The following UBE4B variants were observed in gnomAD, a reference collection of about 807,000 sequenced individuals.
UBE4B encodes the protein ubiquitin conjugation factor E4 B.
UBE4B carries 27 observed loss-of-function variants against 148.1 expected under a neutral mutation model. The ratio of observed to expected loss-of-function variants is 0.18; its 90% CI spans 0.13 to 0.25. UBE4B has a LOEUF of 0.25. Among genes scored for constraint, UBE4B ranks in the 10% least tolerant of loss-of-function variants. The pLI is 1.00. For missense variants in UBE4B, 1,170 were observed against 1,662.4 expected (o/e 0.70, Z 5.15); for synonymous variants, 596 against 619.3 (o/e 0.96, Z 0.56).
intron 3 of UBE4B, among the ~76,000 whole-genome samples, chr1:10,097,128 A>C (rs1644942489): frequency 6.6e-6 from 1 of 152,002 alleles, no homozygotes; most frequent in Admixed American, 6.6e-5. Context: ...TTGCTGTAAG[A>C]GTTAAATAGG....
At chr1:10,102,854 A>G in intron 4 of UBE4B, 94 bp from the exon 5 acceptor site, 4 of 1,314,396 alleles carry the variant, frequency 3.0e-6, no homozygotes, top group South Asian at 1.5e-5. Context: ...TATCATCACT[A>G]ATAATGAATT....
intron 10 of UBE4B, among the ~76,000 whole-genome samples, chr1:10,125,984 A>G (rs950974727): frequency 3.3e-5 from 5 of 152,190 alleles, no homozygotes; most frequent in African/African-American, 1.2e-4. Flanking sequence ...TCCTCAAAAT[A>G]AATGGGGAAA....
intron 24 of UBE4B, among the ~76,000 whole-genome samples, chr1:10,169,251 C>G (rs998701540): frequency 4.6e-5 from 7 of 152,174 alleles, no homozygotes; most frequent in Non-Finnish European, 1.0e-4. Context: ...ACCTAAGATT[C>G]GGTAGCCATT....
intron 21 of UBE4B, among the ~76,000 whole-genome samples, chr1:10,153,490 TAAAAAAAAAAAAAAA>T (rs1045427991): frequency 8.1e-5 from 4 of 49,200 alleles, no homozygotes; most frequent in African/African-American, 3.5e-4. Context: ...ACCCTGTTTC[TAAAAAAAAAAAAAAA>T]AAAAAAAAAA....
chr1:10,174,146 A>G (rs1362584227), intron 25 of UBE4B, among the ~76,000 whole-genome samples: 6 of 152,334 alleles, frequency 3.9e-5, no homozygotes, highest in Admixed American at 3.9e-4. Flanking sequence ...CTGTAATCCC[A>G]GCACTTTGGG....
intron 2 of UBE4B, among the ~76,000 whole-genome samples, chr1:10,081,415 A>G (rs1430833748): frequency 4.6e-5 from 7 of 151,720 alleles, no homozygotes; most frequent in African/African-American, 1.7e-4. Flanking sequence ...TCCATATCCT[A>G]TTATAATTGG....
intron 15 of UBE4B, among the ~76,000 whole-genome samples, chr1:10,133,263 A>G (rs1033394021): frequency 6.6e-6 from 1 of 152,192 alleles, no homozygotes; most frequent in African/African-American, 2.4e-5. Flanking sequence ...TCATGTAGAG[A>G]GAAGAGCACA....
At chr1:10,092,271 C>T (rs1269996609) in intron 2 of UBE4B, among the ~76,000 whole-genome samples, 1 of 152,058 alleles carries the variant, frequency 6.6e-6, no homozygotes, top group Non-Finnish European at 1.5e-5. Context: ...GTCACCCAGG[C>T]CGGAGTGCCG....
chr1:10,130,906 C>G (rs895537826), intron 14 of UBE4B, 93 bp downstream of exon 14: 2 of 1,130,228 alleles, frequency 1.8e-6, no homozygotes, highest in African/African-American at 3.1e-5. Flanking sequence ...GCCCAGTAGA[C>G]AAACGGCTAA....
chr1:10,173,017 G>A (rs1553155621), intron 25 of UBE4B, among the ~76,000 whole-genome samples: 1 of 152,096 alleles, frequency 6.6e-6, no homozygotes, highest in Non-Finnish European at 1.5e-5. Context: ...TGTAGGCCAC[G>A]CCATCTAGGT....
chr1:10,138,057 C>A (rs1645722209), intron 17 of UBE4B, among the ~76,000 whole-genome samples: 1 of 150,646 alleles, frequency 6.6e-6, no homozygotes, highest in African/African-American at 2.4e-5. Context: ...GCTTCAGCCT[C>A]CCGAGTAGCT....
rs199840708 is a variant in UBE4B at position 10,037,729 on chromosome 1, AT to A, written c.24+4042del. The stretch of plus-strand genomic sequence containing the variant: ...GCCACCACACCTGGCCAATTTTTGT[AT>A]TTTTTTCTAGAGACAGGGTTTCACC... On this transcript the variant is annotated intron_variant, in intron 1 of 27. Coordinates refer to ENST00000343090, the MANE Select transcript of UBE4B (RefSeq NM_001105562.3). 5.3e-5 allele frequency among the ~76,000 whole-genome samples: 8 copies of A among 150,508 alleles called. No homozygotes were observed. In the East Asian group the frequency reaches 1.6e-3, roughly 30 times the overall value.
chr1:10,045,921 G>A (rs745914831), intron 1 of UBE4B, among the ~76,000 whole-genome samples: 20 of 152,228 alleles, frequency 1.3e-4, no homozygotes, highest in Non-Finnish European at 2.8e-4. Context: ...GAGACATGAA[G>A]TGGCAGCTGC....
chr1:10,052,604 C>T (rs892910393), intron 1 of UBE4B, among the ~76,000 whole-genome samples: 3 of 152,312 alleles, frequency 2.0e-5, no homozygotes, highest in East Asian at 1.9e-4. Context: ...AGGTGCCCCA[C>T]GCTTGGTTTA....
intron 25 of UBE4B, among the ~76,000 whole-genome samples, chr1:10,175,860 A>G (rs1646422048): frequency 6.6e-6 from 1 of 152,134 alleles, no homozygotes; most frequent in Non-Finnish European, 1.5e-5. Context: ...ATAACGTAGA[A>G]GTAACCATTT....
At position 10,105,506 on chromosome 1, in the gene UBE4B, T is replaced by C. The variant is rs1412127187; in HGVS notation, c.581-10T>C. On this transcript the variant is annotated splice_polypyrimidine_tract_variant and intron_variant, in intron 5 of 27. Coordinates refer to ENST00000343090, the MANE Select transcript of UBE4B (RefSeq NM_001105562.3). ...TGTGTAACCTGTTCTTTGTTCTGCCTTTCCAACAGTATTCTCCGATTTTAA... is the reference window on the plus strand; with the variant it reads ...TGTGTAACCTGTTCTTTGTTCTGCCCTTCCAACAGTATTCTCCGATTTTAA... 1 of 1,613,726 alleles carries C rather than the reference T, an allele frequency of 6.2e-7. No individual in the cohort carries two copies. The highest frequency in any genetic ancestry group is 1.7e-5 in the Admixed American group (1 of 60,034).
chr1:10,094,323 C>T (rs556759570), intron 2 of UBE4B, among the ~76,000 whole-genome samples: 1 of 151,884 alleles, frequency 6.6e-6, no homozygotes, highest in East Asian at 1.9e-4. Context: ...ATTGTTGAGT[C>T]CACTTGAATT....
chr1:10,058,854 G>T (rs776251203), intron 1 of UBE4B: 2 of 152,312 alleles, frequency 1.3e-5, no homozygotes, highest in African/African-American at 2.4e-5. Flanking sequence ...GTGGCTCCCA[G>T]TAGTGATGAC....
chr1:10,072,946 T>C (rs1474597993), intron 2 of UBE4B: 2 of 153,186 alleles, frequency 1.3e-5, no homozygotes, highest in African/African-American at 4.8e-5. Flanking sequence ...GATAGCCTTC[T>C]GAATCATCTG....
Sources: gnomAD v4.1 joint callset for allele counts (sites outside exome capture counted in the v4.1 genomes callset) on GRCh38, gnomAD v4.1.1 for gene constraint, MANE v1.5 for transcripts, NCBI Gene and HGNC (gene_info 2026-07-23, HGNC 2026-07-21) for gene names.